CSMD1: variants seen among roughly 807,000 people sequenced by gnomAD.
CSMD1 encodes CUB and Sushi multiple domains 1.
CSMD1 carries 213 observed loss-of-function variants against 417.5 expected under a neutral mutation model. The observed-to-expected ratio is 0.51, with a 90% CI of 0.46 to 0.57. The LOEUF (loss-of-function observed/expected upper bound fraction) is 0.57, where lower values mean the gene tolerates loss of function less well. Ranked by LOEUF, CSMD1 falls within the 20% of genes least tolerant of loss-of-function variation. The probability of loss-of-function intolerance (pLI) is 0.00; values close to 1 mark genes in which losing one functional copy is unlikely to be tolerated. For synonymous variants in CSMD1, 2,862 were observed against 1,736.8 expected (o/e 1.65, Z -16.11); for missense variants, 6,923 against 4,529.7 (o/e 1.53, Z -15.17).
chr8:3,153,717 G>C (rs1819340269), intron 39 of CSMD1, among the ~76,000 whole-genome samples: 1 of 152,196 alleles, frequency 6.6e-6, no homozygotes, highest in African/African-American at 2.4e-5. Context: ...CAGGACCTCA[G>C]CGTAGACAGC....
intron 3 of CSMD1, among the ~76,000 whole-genome samples, chr8:4,413,861 G>A (rs1796785477): frequency 1.3e-5 from 2 of 152,138 alleles, no homozygotes; most frequent in Non-Finnish European, 2.9e-5. Context: ...GAAGGAATGT[G>A]TTTACAGGAA....
At chr8:3,375,745 C>A (rs1359732441) in intron 18 of CSMD1, among the ~76,000 whole-genome samples, 3 of 152,110 alleles carry the variant, frequency 2.0e-5, no homozygotes, top group Non-Finnish European at 2.9e-5. Context: ...CTGGGGTCCT[C>A]ACAGTGTGAT....
intron 12 of CSMD1, among the ~76,000 whole-genome samples, chr8:3,448,378 G>GAAGGAAGGAAGGAA (rs1563399974): frequency 5.8e-5 from 1 of 17,258 alleles, no homozygotes; most frequent in Non-Finnish European, 1.0e-4. Flanking sequence ...AGGAAGGGAG[G>GAAGGAAGGAAGGAA]GGGAGGAGGG....
chr8:3,931,544 C>T (rs969184419), intron 5 of CSMD1, among the ~76,000 whole-genome samples: 4 of 150,062 alleles, frequency 2.7e-5, no homozygotes, highest in Non-Finnish European at 5.9e-5. Context: ...ATTTGTTTAA[C>T]AAACTTCTTG....
At chr8:4,757,749 A>T (rs534881168) in intron 1 of CSMD1, among the ~76,000 whole-genome samples, 1 of 152,254 alleles carries the variant, frequency 6.6e-6, no homozygotes, top group South Asian at 2.1e-4. Context: ...ACTTGAGGCC[A>T]GGAGTTTGAG....
rs151003822 is a variant in CSMD1, at chr8:4,709,910, G to A, written c.86-72352C>T. On this transcript the variant is annotated intron_variant, in intron 1 of 69. Transcript: ENST00000635120. ...GTAAACACATCTGAAATGGCCCAAG[G>A]ATTGAAAAACTAGAAACCATAAGAA... is the stretch of plus-strand genomic sequence containing the variant. 3.3e-3 allele frequency among the ~76,000 whole-genome samples: 507 copies of A among 152,228 alleles called. 5 individuals are homozygous for A. The highest frequency in any genetic ancestry group is 0.012 in the African/African-American group (481 of 41,542).
At chr8:3,790,068 T>G (rs556370137) in intron 5 of CSMD1, among the ~76,000 whole-genome samples, 2 of 152,320 alleles carry the variant, frequency 1.3e-5, no homozygotes, top group South Asian at 4.1e-4. Flanking sequence ...TTAGAGAATG[T>G]CAATGAAGGT....
chr8:3,569,224 G>A (rs748350586), intron 10 of CSMD1, among the ~76,000 whole-genome samples: 2 of 152,120 alleles, frequency 1.3e-5, no homozygotes, highest in African/African-American at 4.8e-5. Context: ...AAAAGTTTTA[G>A]ATTTTCTAAC....
intron 45 of CSMD1, chr8:3,106,880 T>A (rs1036785349): frequency 2.5e-5 from 9 of 356,962 alleles, no homozygotes; most frequent in Non-Finnish European, 4.5e-5. Flanking sequence ...CTTTTCTTCC[T>A]TGACTGAGGC....
At chr8:3,733,677 T>A (rs1326438238) in intron 6 of CSMD1, among the ~76,000 whole-genome samples, 1 of 151,990 alleles carries the variant, frequency 6.6e-6, no homozygotes, top group Non-Finnish European at 1.5e-5. Flanking sequence ...CTGCCTGGAG[T>A]TGGGAGTCAC....
Position 3,422,006 on chromosome 8 carries a change from G to A in CSMD1, c.1562-12401C>T, listed in dbSNP as rs539267244. 1.5e-4 allele frequency among the ~76,000 whole-genome samples: 23 copies of A among 150,028 alleles called. No individual in the cohort carries two copies. In the South Asian group the frequency reaches 4.2e-3, roughly 27 times the overall value. On this transcript the variant is annotated intron_variant, in intron 12 of 69. Transcript: ENST00000635120. ...GATGGCTTAGAGCGTGAGCCACCGC[G>A]CCCGGCCCCACAGATGTCTTAGAGC...
At chr8:4,282,874 T>TTA (rs1563385034) in intron 3 of CSMD1, among the ~76,000 whole-genome samples, 1 of 152,214 alleles carries the variant, frequency 6.6e-6, no homozygotes, top group African/African-American at 2.4e-5. Flanking sequence ...AAGATCATAA[T>TTA]TATATTTTAC....
At chr8:3,699,008 C>T (rs1406954324) in intron 7 of CSMD1, among the ~76,000 whole-genome samples, 1 of 152,200 alleles carries the variant, frequency 6.6e-6, no homozygotes, top group Admixed American at 6.5e-5. Context: ...ATCCCACCCT[C>T]CTTGTACCCA....
intron 69 of CSMD1, among the ~76,000 whole-genome samples, chr8:2,939,380 G>C (rs904157796): frequency 6.6e-6 from 1 of 152,104 alleles, no homozygotes; most frequent in African/African-American, 2.4e-5. Flanking sequence ...CCTCTGTTGA[G>C]TTAAAAATGA....
At chr8:2,977,239 T>A (rs993520304) in intron 55 of CSMD1, among the ~76,000 whole-genome samples, 5 of 152,144 alleles carry the variant, frequency 3.3e-5, no homozygotes, top group Non-Finnish European at 5.9e-5. Flanking sequence ...ATGCATTAGC[T>A]ATTTATCCTG....
At chr8:4,129,662 A>G (rs934646226) in intron 3 of CSMD1, among the ~76,000 whole-genome samples, 2 of 152,058 alleles carry the variant, frequency 1.3e-5, no homozygotes, top group Non-Finnish European at 2.9e-5. Context: ...TTTTGTCCCA[A>G]TGTTCTGAAA....
chr8:3,694,102 T>C (rs1302968568), intron 7 of CSMD1, among the ~76,000 whole-genome samples: 1 of 151,630 alleles, frequency 6.6e-6, no homozygotes, highest in Admixed American at 6.6e-5. Context: ...TGTGTGTGTT[T>C]TGGGTATAGG....
At chr8:4,203,842 G>A (rs926745264) in intron 3 of CSMD1, among the ~76,000 whole-genome samples, 3 of 152,150 alleles carry the variant, frequency 2.0e-5, no homozygotes, top group Non-Finnish European at 2.9e-5. Flanking sequence ...GCTCATACCT[G>A]TAATCCCAGC....
intron 1 of CSMD1, among the ~76,000 whole-genome samples, chr8:4,807,934 T>A (rs923843096): frequency 6.6e-6 from 1 of 152,214 alleles, no homozygotes; most frequent in African/African-American, 2.4e-5. Flanking sequence ...CTTTTCTAAA[T>A]TCAATAAAGC....
Sources: gnomAD v4.1 joint callset for allele counts (sites outside exome capture counted in the v4.1 genomes callset) on GRCh38, gnomAD v4.1.1 for gene constraint, MANE v1.5 for transcripts, NCBI Gene and HGNC (gene_info 2026-07-23, HGNC 2026-07-21) for gene names.